SV2C: variants seen among roughly 807,000 people sequenced by gnomAD.
SV2C encodes synaptic vesicle glycoprotein 2C, also known as solute carrier family 22 member B3.
Under a neutral mutation model 79.7 loss-of-function variants are expected in SV2C, and 49 were observed. The ratio of observed to expected loss-of-function variants is 0.61; its 90% confidence interval spans 0.49 to 0.78. SV2C has a LOEUF of 0.78. Among genes scored for constraint, SV2C ranks in the 30% least tolerant of loss-of-function variants. The pLI is 0.00. For synonymous variants in SV2C, 334 were observed against 333.2 expected (o/e 1.00, Z -0.03); for missense variants, 833 against 912.9 (o/e 0.91, Z 1.13).
the SV2C span, among the ~76,000 whole-genome samples, chr5:76,057,078 G>A: frequency 6.6e-6 from 1 of 151,950 alleles, no homozygotes; most frequent in African/African-American, 2.4e-5. Flanking sequence ...TCTTTTAATT[G>A]TGATATTAGG....
chr5:76,188,029 C>A (rs986902681), intron 2 of SV2C, among the ~76,000 whole-genome samples: 3 of 152,068 alleles, frequency 2.0e-5, no homozygotes, highest in African/African-American at 4.8e-5. Flanking sequence ...GAGCTAAGGG[C>A]AGGTGGATTG....
the SV2C span, among the ~76,000 whole-genome samples, chr5:76,007,736 C>G: frequency 6.6e-6 from 1 of 152,168 alleles, no homozygotes; most frequent in Non-Finnish European, 1.5e-5. Context: ...AGTCTCTGCT[C>G]TCATCGAGCC....
intron 6 of SV2C, among the ~76,000 whole-genome samples, chr5:76,290,337 AC>A (rs1747516847): frequency 1.3e-5 from 2 of 152,164 alleles, no homozygotes; most frequent in African/African-American, 4.8e-5. Context: ...CAATAGAGTT[AC>A]CCCTTTAAAT....
chr5:75,867,171 A>G, the SV2C span, among the ~76,000 whole-genome samples: 3 of 152,180 alleles, frequency 2.0e-5, no homozygotes, highest in Non-Finnish European at 4.4e-5. Flanking sequence ...AGAGGAGACT[A>G]AGGATTGGGT....
the SV2C span, among the ~76,000 whole-genome samples, chr5:76,049,269 G>A: frequency 1.3e-5 from 2 of 150,880 alleles, no homozygotes; most frequent in African/African-American, 4.9e-5. Context: ...CCCGGGAGGC[G>A]GAGCTTACAG....
intron 1 of SV2C, among the ~76,000 whole-genome samples, chr5:76,107,007 C>T (rs1747938971): frequency 6.6e-6 from 1 of 152,004 alleles, no homozygotes; most frequent in Non-Finnish European, 1.5e-5. Flanking sequence ...AAAGAATGAA[C>T]GTATTCACAA....
chr5:75,957,264 G>A, the SV2C span, among the ~76,000 whole-genome samples: 2 of 151,968 alleles, frequency 1.3e-5, no homozygotes, highest in East Asian at 3.9e-4. Context: ...CATCTACTAA[G>A]ACATAAGGGA....
At chr5:75,958,106 C>G in the SV2C span, among the ~76,000 whole-genome samples, 1 of 151,952 alleles carries the variant, frequency 6.6e-6, no homozygotes, top group South Asian at 2.1e-4. Context: ...TGGAAAGCCT[C>G]AATAGAGTTT....
intron 2 of SV2C, among the ~76,000 whole-genome samples, chr5:76,147,905 C>G (rs10942755): frequency 0.4 from 60,432 of 151,890 alleles, 12,724 homozygotes; most frequent in Middle Eastern, 0.5. Flanking sequence ...TGATGATTCA[C>G]GGTATCTATT....
At chr5:76,146,186 G>A (rs989292197) in intron 2 of SV2C, among the ~76,000 whole-genome samples, 1 of 152,280 alleles carries the variant, frequency 6.6e-6, no homozygotes, top group South Asian at 2.1e-4. Context: ...TTGGACAAGA[G>A]CAGCCATGTA....
In SV2C at chr5:76,220,782, C is replaced by T. The variant is rs116239630; in HGVS notation, c.913+10895C>T. Among the ~76,000 whole-genome samples, 1,122 of 152,208 alleles carry T rather than the reference C, an allele frequency of 7.4e-3. 16 individuals are homozygous for T. Among genetic ancestry groups the T allele is most frequent in the African/African-American group, 0.026 (1,069 of 41,536 alleles). On this transcript the variant is annotated intron_variant, in intron 4 of 12. Coordinates refer to ENST00000502798, the MANE Select transcript of SV2C (RefSeq NM_014979.4). ...GCGGTCATCATCAAAGGCCCCAATT[C>T]CTTTTTTCTTACTGCTCCTCCATTC...
At chr5:75,916,211 C>T in the SV2C span, among the ~76,000 whole-genome samples, 1 of 151,772 alleles carries the variant, frequency 6.6e-6, no homozygotes, top group African/African-American at 2.4e-5. Context: ...CTTCCTCCTC[C>T]TCCTCTTCCT....
At chr5:76,180,083 T>C (rs1343745885) in intron 2 of SV2C, among the ~76,000 whole-genome samples, 1 of 152,232 alleles carries the variant, frequency 6.6e-6, no homozygotes, top group Admixed American at 6.5e-5. Flanking sequence ...TACACAATCA[T>C]GTTCCCATCA....
intron 12 of SV2C, among the ~76,000 whole-genome samples, chr5:76,314,616 C>A (rs999069138): frequency 1.3e-5 from 2 of 152,126 alleles, no homozygotes; most frequent in African/African-American, 4.8e-5. Context: ...ATGATCTCAA[C>A]TTATTTAATT....
chr5:75,984,446 A>G, the SV2C span, among the ~76,000 whole-genome samples: 1 of 152,108 alleles, frequency 6.6e-6, no homozygotes, highest in Non-Finnish European at 1.5e-5. Flanking sequence ...TACTATGCCC[A>G]TTTTATAGAT....
chr5:75,885,420 G>A, the SV2C span, among the ~76,000 whole-genome samples: 1 of 152,118 alleles, frequency 6.6e-6, no homozygotes, highest in Non-Finnish European at 1.5e-5. Flanking sequence ...AGGACAGGCA[G>A]ATTTGCTAGC....
At chr5:76,100,774 A>G (rs1041493910) in intron 1 of SV2C, among the ~76,000 whole-genome samples, 12 of 152,178 alleles carry the variant, frequency 7.9e-5, no homozygotes, top group Non-Finnish European at 1.8e-4. Context: ...TGCTCGAGGT[A>G]GGGTTTCTCA....
the SV2C span, among the ~76,000 whole-genome samples, chr5:76,001,838 G>A: frequency 4.6e-5 from 7 of 152,062 alleles, no homozygotes; most frequent in African/African-American, 1.7e-4. Flanking sequence ...GAAACAGGTG[G>A]TGTTCAGTTG....
chr5:76,058,030 G>C, the SV2C span, among the ~76,000 whole-genome samples: 1 of 152,050 alleles, frequency 6.6e-6, no homozygotes, highest in African/African-American at 2.4e-5. Flanking sequence ...GTTAAAACTT[G>C]TTTAACACAG....
Sources: allele counts gnomAD v4.1 joint callset (sites outside exome capture counted in the v4.1 genomes callset), GRCh38; gene constraint gnomAD v4.1.1; transcripts MANE v1.5; gene names NCBI Gene and HGNC (gene_info 2026-07-23, HGNC 2026-07-21).